SMG1: variants seen among roughly 807,000 people sequenced by gnomAD.
SMG1 encodes the protein SMG1 nonsense mediated mRNA decay associated PI3K related kinase.
SMG1 carries 22 observed loss-of-function variants against 419.9 expected under a neutral mutation model. The observed-to-expected ratio is 0.05, with a 90% CI of 0.04 to 0.07. The LOEUF is 0.07. SMG1 is among the 10% of genes least tolerant of loss of function. The pLI, the probability that SMG1 is intolerant of heterozygous loss-of-function variation, is 1.00. For synonymous variants in SMG1, 1,538 were observed against 1,553.5 expected (o/e 0.99, Z 0.23); for missense variants, 3,185 against 4,342.0 (o/e 0.73, Z 7.49).
intron 6 of SMG1, among the ~76,000 whole-genome samples, chr16:18,887,559 G>A (rs1218539054): frequency 1.2e-5 from 1 of 81,694 alleles, no homozygotes; most frequent in Non-Finnish European, 2.3e-5. Flanking sequence ...TCACCATGTT[G>A]CCCAGGCTGG....
At chr16:18,839,566 C>G in intron 42 of SMG1, 132 bp downstream of exon 42, 1 of 1,205,658 alleles carries the variant, frequency 8.3e-7, no homozygotes, top group South Asian at 1.4e-5. Context: ...ATATTAAACT[C>G]AAATATACGT....
chr16:18,869,381 G>T, intron 19 of SMG1, 78 bp from the exon 20 acceptor site: 3 of 1,246,620 alleles, frequency 2.4e-6, no homozygotes, highest in Admixed American at 2.5e-5. Context: ...AAGGGGAATA[G>T]GAATAAGGAA....
intron 23 of SMG1, 42 bp from the exon 24 acceptor site, chr16:18,864,186 ACT>A: frequency 4.1e-5 from 37 of 912,622 alleles, no homozygotes; most frequent in East Asian, 6.9e-5. Context: ...TTATCTACTT[ACT>A]TTTTTTTTTT....
chr16:18,828,214 G>A lies in SMG1; in HGVS notation c.9604-46C>T, dbSNP rs180938147. ...GTATTAAAATCAGCAGGAAAAAAGC[G>A]TTTAGATAAATAAGGGAAGGGAGGC... On this transcript the variant is annotated intron_variant, in intron 54 of 62. Coordinates refer to ENST00000446231, the MANE Select transcript of SMG1 (RefSeq NM_015092.5). 816 of 1,586,982 alleles carry A rather than the reference G, an allele frequency of 5.1e-4. 2 individuals are homozygous for A. Among genetic ancestry groups the A allele is most frequent in the Non-Finnish European group, 6.3e-4 (734 of 1,161,916 alleles).
At chr16:18,813,307 T>A (rs1388507514) in intron 60 of SMG1, among the ~76,000 whole-genome samples, 16 of 152,198 alleles carry the variant, frequency 1.1e-4, no homozygotes, top group Non-Finnish European at 2.4e-4. Flanking sequence ...GTGTTCCTAT[T>A]TCTCCACATC....
At chr16:18,908,745 T>G (rs1383793883) in intron 1 of SMG1, among the ~76,000 whole-genome samples, 1 of 151,914 alleles carries the variant, frequency 6.6e-6, no homozygotes, top group East Asian at 1.9e-4. Context: ...CCAGGCGTGG[T>G]GGCAGGCGCC....
chr16:18,839,046 A>G (rs1293202200), intron 42 of SMG1, among the ~76,000 whole-genome samples: 5 of 152,032 alleles, frequency 3.3e-5, no homozygotes, highest in East Asian at 1.9e-4. Flanking sequence ...GCCCAAACCA[A>G]TGTTGGGCAG....
intron 36 of SMG1, among the ~76,000 whole-genome samples, chr16:18,848,971 T>G (rs1046094905): frequency 6.8e-6 from 1 of 146,822 alleles, no homozygotes; most frequent in Non-Finnish European, 1.5e-5. Flanking sequence ...CTCGGGAAGC[T>G]GAGGCAGAGA....
At chr16:18,838,962 T>A (rs984220972) in intron 42 of SMG1, among the ~76,000 whole-genome samples, 1 of 152,090 alleles carries the variant, frequency 6.6e-6, no homozygotes, top group Admixed American at 6.5e-5. Context: ...TCCTAGTTTG[T>A]CCCTTTCTAA....
chr16:18,911,410 A>AG (rs2037787436), intron 1 of SMG1: 1 of 152,150 alleles, frequency 6.6e-6, no homozygotes, highest in African/African-American at 2.4e-5. Flanking sequence ...CAGGAGGCTG[A>AG]GGCAGGATAA....
At position 18,838,657 on chromosome 16, in the gene SMG1, C is replaced by T; in HGVS notation, c.6978G>A (p.Met2326Ile). Residue 2326 changes from methionine (M) to isoleucine (I), a missense_variant, in exon 43 of 63, where the codon ATG (methionine) becomes ATA (isoleucine). Met to Ile is a conservative substitution (Grantham distance 10). Transcript: ENST00000446231. ...SYARSTAVMS[M>I]VGYIIGLGDR... ...CTCCAAGGCCAATTATGTATCCAAC[C>T]ATAGACATGACTGCAGTAGATCTTG... 2 of 1,611,690 alleles carry T rather than the reference C, an allele frequency of 1.2e-6. No individual in the cohort carries two copies. The highest frequency in any genetic ancestry group is 2.2e-5 in the East Asian group (1 of 44,840).
chr16:18,870,070 T>A (rs1345137833), intron 18 of SMG1, 76 bp from the exon 19 acceptor site: 3 of 862,172 alleles, frequency 3.5e-6, no homozygotes, highest in Non-Finnish European at 5.3e-6. Flanking sequence ...GTGGATTATT[T>A]ACTTATTAAC....
At chr16:18,829,869 GC>G (rs1331498163) in intron 53 of SMG1, 56 bp downstream of exon 53, 6 of 1,442,358 alleles carry the variant, frequency 4.2e-6, no homozygotes, top group Non-Finnish European at 5.6e-6. Context: ...ACTCTATCCT[GC>G]CCCCTTCCAT....
intron 1 of SMG1, among the ~76,000 whole-genome samples, chr16:18,903,302 CTT>C (rs751551630): frequency 6.6e-6 from 1 of 152,126 alleles, no homozygotes; most frequent in Non-Finnish European, 1.5e-5. Context: ...TGATTTTAAC[CTT>C]TGTTTTACAT....
rs938913476 is a variant in SMG1 at position 18,850,398 on chromosome 16, A to G, written c.5122T>C (p.Trp1708Arg). 5.0e-6 allele frequency: 8 copies of G among 1,613,848 alleles called. No individual in the cohort carries two copies. The highest frequency in any genetic ancestry group is 5.9e-6 in the Non-Finnish European group (7 of 1,179,884). Residue 1708 changes from tryptophan to arginine, a missense_variant, in exon 34 of 63, where the codon TGG becomes CGG. Around this residue, in one of 27 missense-constraint regions of SMG1, gnomAD observed 493 missense variants for 552.9 expected, o/e 0.89. Coordinates refer to ENST00000446231, the MANE Select transcript of SMG1 (RefSeq NM_015092.5). ...GGGCAGCTTGATATCAACTGACGCCAGATAACATCAACCATGTCATCTTCT... is the reference window on the plus strand; with the variant it reads ...GGGCAGCTTGATATCAACTGACGCCGGATAACATCAACCATGTCATCTTCT... The part of the protein sequence containing the change: ...NEEDDMVDVI[W>R]RQLISSCPWL...
intron 1 of SMG1, among the ~76,000 whole-genome samples, chr16:18,921,154 A>AG (rs34756311): frequency 0.074 from 10,593 of 142,390 alleles, 459 homozygotes; most frequent in Middle Eastern, 0.13. Context: ...AAAAAAAAAA[A>AG]AGAGAGAGAG....
Position 18,854,794 on chromosome 16 carries a change from T to G in SMG1, c.4345A>C (p.Ser1449Arg). The G allele has an allele frequency of 1.2e-6, 2 of 1,614,070 alleles. No individual in the cohort carries two copies. The highest frequency in any genetic ancestry group is 1.7e-6 in the Non-Finnish European group (2 of 1,179,888). Reference protein sequence around the residue: ...SLATRLLAQCSEVQLGKTTTA... With the variant: ...SLATRLLAQCREVQLGKTTTA... The stretch of plus-strand genomic sequence containing the variant: ...GTGGTCTTTCCCAGCTGAACTTCAC[T>G]GCACTGTGCCAGCAGTCTTGTTGCA... Residue 1449 changes from serine (S) to arginine (R), a missense_variant, in exon 30 of 63, where the codon AGT (serine) becomes CGT (arginine). Ser to Arg is a moderately radical substitution (Grantham distance 110). Transcript: ENST00000446231.
intron 1 of SMG1, among the ~76,000 whole-genome samples, chr16:18,919,686 ACACACACACACAC>A (rs2038118747): frequency 7.1e-6 from 1 of 141,704 alleles, no homozygotes; most frequent in Non-Finnish European, 1.6e-5. Context: ...ACACACACAC[ACACACACACACAC>A]AATCTCCCTA....
At chr16:18,908,238 C>T (rs184156239) in intron 1 of SMG1, among the ~76,000 whole-genome samples, 12 of 151,268 alleles carry the variant, frequency 7.9e-5, no homozygotes, top group East Asian at 2.0e-4. Context: ...CGTGGTGGTG[C>T]ACATCTGTAA....
Sources: gnomAD v4.1 joint callset for allele counts (sites outside exome capture counted in the v4.1 genomes callset) on GRCh38, gnomAD v4.1.1 for gene constraint, gnomAD v4.1.1 regional missense constraint, MANE v1.5 for transcripts, NCBI Gene and HGNC (gene_info 2026-07-23, HGNC 2026-07-21) for gene names.